MYO9B: variants seen among roughly 807,000 people sequenced by gnomAD.
MYO9B encodes myosin IXB.
MYO9B carries 71 observed loss-of-function variants against 229.5 expected under a neutral mutation model. The ratio of observed to expected loss-of-function variants is 0.31; its 90% confidence interval spans 0.26 to 0.38. MYO9B has a LOEUF of 0.38. Among genes scored for constraint, MYO9B ranks in the 10% least tolerant of loss-of-function variants. The pLI is 1.00. For missense variants in MYO9B, 2,255 were observed against 2,920.5 expected (o/e 0.77, Z 5.25); for synonymous variants, 1,185 against 1,235.8 (o/e 0.96, Z 0.86).
chr19:17,144,369 C>T (rs1334754039), intron 2 of MYO9B, among the ~76,000 whole-genome samples: 1 of 151,812 alleles, frequency 6.6e-6, no homozygotes, highest in South Asian at 2.1e-4. Context: ...CTTTGGGAGA[C>T]CGAGGCGGGT....
Position 17,203,157 on chromosome 19 carries a change from A to G in MYO9B, c.4889A>G (p.His1630Arg). 6.4e-7 allele frequency: 1 copy of G among 1,571,504 alleles called. No homozygotes were observed. The highest frequency in any genetic ancestry group is 8.6e-7 in the Non-Finnish European group (1 of 1,158,352). The change falls in exon 30 of 40, where the codon CAC (histidine) becomes CGC (arginine). Residue 1630 changes from histidine to arginine, a missense_variant. His to Arg is a conservative substitution (Grantham distance 29, BLOSUM62 0). Transcript: ENST00000682292. ...KRKQERAVQE[H>R]NGHVFASYQV... is the part of the protein sequence containing the mutation. ...CCTCTGGCCTCACAGGTCCAGGAGC[A>G]CAACGGGCACGTGTTCGCCAGCTAC...
rs189881765 is a variant in MYO9B, at chr19:17,087,419, G to T, written c.-59+11545G>T. 4.4e-3 allele frequency among the ~76,000 whole-genome samples: 669 copies of T among 152,332 alleles called. 6 individuals are homozygous for T. The highest frequency in any genetic ancestry group is 0.035 in the South Asian group (167 of 4,822). On this transcript the variant is annotated intron_variant, in intron 1 of 39. Coordinates refer to ENST00000682292, the MANE Select transcript of MYO9B (RefSeq NM_004145.4). ...CATTCAACTCCCCATGGGTGAGCGT[G>T]GAATTGGCAGAAGTCACGAGAGAGC...
rs772030277 is a variant in MYO9B, at chr19:17,202,148, G to A, written c.4681G>A (p.Gly1561Ser). The A allele has an allele frequency of 6.2e-7, 1 of 1,613,816 alleles. No homozygotes were observed. Among genetic ancestry groups the A allele is most frequent in the Non-Finnish European group, 8.5e-7 (1 of 1,179,810 alleles). ...CCTACAGAACGGGAAGATCCACGTG[G>A]GCTACAAGGATCTGATGGAGAACTA... ...YSVPNGKIHV[G>S]YKDLMENYQI... Residue 1561 changes from glycine to serine, a missense_variant, in exon 28 of 40, where the codon GGC becomes AGC. Physicochemically the swap from Gly to Ser is moderately conservative, Grantham distance 56. Transcript: ENST00000682292.
At chr19:17,104,442 A>G (rs1047666148) in intron 2 of MYO9B, among the ~76,000 whole-genome samples, 5 of 152,302 alleles carry the variant, frequency 3.3e-5, no homozygotes, top group African/African-American at 9.6e-5. Flanking sequence ...AGAGGTGACC[A>G]CACAGCACCC....
At position 17,211,933 on chromosome 19, in the gene MYO9B, A is replaced by AC; in HGVS notation, c.6101dup (p.Ser2035GlufsTer165). ...TGCTCTCCCTTGCCCCGGCGCGCCC[A>AC]CCCCGAGCCCCCTCCCCACCGTGGC... On this transcript the variant is annotated frameshift_variant, in exon 40 of 40. Transcript: ENST00000682292. LOFTEE classifies it low-confidence loss of function (END_TRUNC). 1.7e-6 allele frequency: 1 copy of AC among 596,926 alleles called. No homozygotes were observed. Among genetic ancestry groups the AC allele is most frequent in the Non-Finnish European group, 2.3e-6 (1 of 437,184 alleles). 37.0% of individuals were successfully genotyped at this position (596,926 alleles called of 1,614,324 possible). A position where few individuals can be genotyped will look rare whatever the true frequency, so the allele number is the denominator to read the frequency against.
At chr19:17,125,793 A>G (rs4808070) in intron 2 of MYO9B, among the ~76,000 whole-genome samples, 30,576 of 152,114 alleles carry the variant, frequency 0.2, 3,621 homozygotes, top group African/African-American at 0.32. Context: ...GGGGTGCCCC[A>G]AACCCCTTGA....
Position 17,101,599 on chromosome 19 carries a change from A to G in MYO9B, c.-58-61A>G. The G allele has an allele frequency of 7.1e-7, 1 of 1,409,148 alleles. No homozygotes were observed. Among genetic ancestry groups the G allele is most frequent in the Non-Finnish European group, 9.3e-7 (1 of 1,073,650 alleles). 87.3% of individuals were successfully genotyped at this position (1,409,148 alleles called of 1,614,324 possible). A position where few individuals can be genotyped will look rare whatever the true frequency, so the allele number is the denominator to read the frequency against. ...GCTATCTGCCCAGGAGTGGGACTCC[A>G]CATGCCCCTTAAACTTCCTCCCACC... On this transcript the variant is annotated intron_variant, in intron 1 of 39. Transcript: ENST00000682292. This position sits in a 1 kb window ranked among gnomAD's most constrained non-coding sequence, Gnocchi z 4.7.
rs188762741 is a variant in MYO9B, at chr19:17,122,367, C to T, written c.840+19810C>T. Among the ~76,000 whole-genome samples the T allele has an allele frequency of 2.9e-3, 438 of 152,140 alleles. 1 individual carries two copies. Among genetic ancestry groups the T allele is most frequent in the African/African-American group, 0.01 (417 of 41,512 alleles). ...CAGCCTGGTTAACATGGTGAAACCT[C>T]GTCTCTACTAAAAATACAAAAATTA... is the stretch of plus-strand genomic sequence containing the variant. On this transcript the variant is annotated intron_variant, in intron 2 of 39. Transcript: ENST00000682292.
At chr19:17,151,505 C>T (rs781043935) in intron 3 of MYO9B, among the ~76,000 whole-genome samples, 2 of 152,122 alleles carry the variant, frequency 1.3e-5, no homozygotes, top group African/African-American at 2.4e-5. Context: ...AAAGGACCAA[C>T]ACCCAATAAG....
At chr19:17,209,344 G>T (rs1261968105) in intron 35 of MYO9B, among the ~76,000 whole-genome samples, 1 of 152,224 alleles carries the variant, frequency 6.6e-6, no homozygotes, top group East Asian at 1.9e-4. Context: ...TGACTAAGGG[G>T]TTCAGTTCAC....
In MYO9B at chr19:17,192,831, G is replaced by C; in HGVS notation, c.2897G>C (p.Trp966Ser). 1 of 1,553,984 alleles carries C rather than the reference G, an allele frequency of 6.4e-7. No individual in the cohort carries two copies. Among genetic ancestry groups the C allele is most frequent in the Non-Finnish European group, 8.7e-7 (1 of 1,149,134 alleles). The change falls in exon 21 of 40, where the codon TGG becomes TCG. Residue 966 changes from tryptophan (W) to serine (S), a missense_variant. By Grantham distance (177) the Trp-to-Ser change is radical (BLOSUM62 -3). Around this residue, in one of 7 missense-constraint regions of MYO9B, gnomAD observed 679 missense variants for 770.2 expected, o/e 0.88. Transcript: ENST00000682292. Reference protein sequence around the residue: ...VVRKILLLQSWFRMVLERRHF... With the variant: ...VVRKILLLQSSFRMVLERRHF... ...CGGAAAATCCTGCTGCTGCAGAGCT[G>C]GTTCCGGATGGTGCTGGAGCGTCGG...
At position 17,103,190 on chromosome 19, in the gene MYO9B, A is replaced by ACT. The variant is rs2057762444; in HGVS notation, c.840+633_840+634insCT. The stretch of plus-strand genomic sequence containing the variant: ...TGCACTACTGCACTCCAGCCTGGGC[A>ACT]ACAGAGACAGACCCTGCCTCTAAAG... On this transcript the variant is annotated intron_variant, in intron 2 of 39. Transcript: ENST00000682292. 3 of 152,352 alleles carry ACT rather than the reference A, an allele frequency of 2.0e-5. No individual in the cohort carries two copies. The East Asian group carries it at 5.8e-4, about 29-fold the overall frequency. 9.4% of individuals were successfully genotyped at this position (152,352 alleles called of 1,614,324 possible).
intron 1 of MYO9B, among the ~76,000 whole-genome samples, chr19:17,098,085 C>T (rs1490753561): frequency 6.7e-6 from 1 of 148,170 alleles, no homozygotes; most frequent in East Asian, 2.2e-4. Context: ...GATGGAGTCT[C>T]ACTCTGTCGC....
intron 1 of MYO9B, among the ~76,000 whole-genome samples, chr19:17,077,202 A>G (rs1200914989): frequency 6.6e-6 from 1 of 151,948 alleles, no homozygotes; most frequent in Non-Finnish European, 1.5e-5. Flanking sequence ...GGTGCTTTTG[A>G]TTGGCATTCA....
chr19:17,134,359 T>C (rs1053854534), intron 2 of MYO9B, among the ~76,000 whole-genome samples: 2 of 147,628 alleles, frequency 1.4e-5, no homozygotes, highest in Admixed American at 6.8e-5. Context: ...AGGATCTCTT[T>C]GTTTTTTTTT....
At chr19:17,123,906 G>A (rs1272047383) in intron 2 of MYO9B, among the ~76,000 whole-genome samples, 1 of 151,534 alleles carries the variant, frequency 6.6e-6, no homozygotes. Context: ...TCTTTTTTGA[G>A]ACAGGGTCTC....
At chr19:17,085,770 C>T (rs569190212) in intron 1 of MYO9B, among the ~76,000 whole-genome samples, 17 of 151,966 alleles carry the variant, frequency 1.1e-4, no homozygotes, top group Non-Finnish European at 1.6e-4. Flanking sequence ...AGTTCGAGAC[C>T]GGCCTGGGCA....
chr19:17,130,338 C>T (rs1426897131), intron 2 of MYO9B, among the ~76,000 whole-genome samples: 2 of 152,004 alleles, frequency 1.3e-5, no homozygotes, highest in East Asian at 1.9e-4. Flanking sequence ...GGGCATTGGC[C>T]GGGCACGGTG....
chr19:17,160,736 G>A (rs1020410553), intron 8 of MYO9B, among the ~76,000 whole-genome samples: 4 of 151,768 alleles, frequency 2.6e-5, no homozygotes, highest in African/African-American at 9.7e-5. Context: ...TTTCGCTCCT[G>A]TTGCCCAGGC....
Sources: allele counts gnomAD v4.1 joint callset (sites outside exome capture counted in the v4.1 genomes callset), GRCh38; gene constraint gnomAD v4.1.1; regional missense constraint gnomAD v4.1.1; non-coding constraint Gnocchi (gnomAD v3.1); transcripts MANE v1.5; gene names NCBI Gene and HGNC (gene_info 2026-07-23, HGNC 2026-07-21).